Variants in MIPOL1 observed in about 807,000 individuals in gnomAD.
MIPOL1 encodes mirror-image polydactyly 1.
A neutral mutation model predicts 60.9 loss-of-function variants in MIPOL1; 57 were observed. That is an observed-to-expected ratio of 0.94 (90% CI 0.76 to 1.17). MIPOL1 has a LOEUF of 1.17. Among genes scored for constraint, MIPOL1 ranks in the 50% most tolerant of loss-of-function variants. MIPOL1 has a pLI of 0.00. For synonymous variants in MIPOL1, 179 were observed against 168.8 expected (o/e 1.06, Z -0.47); for missense variants, 551 against 511.6 (o/e 1.08, Z -0.74).
At chr14:37,303,768 T>C (rs896729217) in intron 7 of MIPOL1, among the ~76,000 whole-genome samples, 1 of 151,810 alleles carries the variant, frequency 6.6e-6, no homozygotes, top group Non-Finnish European at 1.5e-5. Context: ...GACACAGCAT[T>C]ATGGTCAAAT....
At chr14:37,504,811 C>G (rs1374186335) in intron 12 of MIPOL1, 2 of 152,088 alleles carry the variant, frequency 1.3e-5, no homozygotes, top group African/African-American at 2.4e-5. Flanking sequence ...ATCAATGAAT[C>G]CAGGAGCTGG....
At chr14:37,206,177 A>G (rs1966060673) in intron 1 of MIPOL1, among the ~76,000 whole-genome samples, 1 of 152,070 alleles carries the variant, frequency 6.6e-6, no homozygotes. Context: ...GCCTAGGAGG[A>G]AAAAATGGTT....
intron 1 of MIPOL1, among the ~76,000 whole-genome samples, chr14:37,225,760 A>C (rs1969611985): frequency 6.6e-6 from 1 of 152,088 alleles, no homozygotes; most frequent in South Asian, 2.1e-4. Flanking sequence ...GTCGGCTTGA[A>C]TTTCTCCTCA....
In MIPOL1 at chr14:37,344,869, A is replaced by G. The variant is rs192572506; in HGVS notation, c.829-24648A>G. Reference sequence around the variant, plus strand: ...AACATTACAAGTCCTCATCTCGACAAAATTTTTAAAAATACCCGGGCATGG... The same window carrying G: ...AACATTACAAGTCCTCATCTCGACAGAATTTTTAAAAATACCCGGGCATGG... On this transcript the variant is annotated intron_variant, in intron 9 of 12. Transcript: ENST00000684589. 3.3e-4 allele frequency among the ~76,000 whole-genome samples: 50 copies of G among 152,112 alleles called. No individual in the cohort carries two copies. In the East Asian group the frequency reaches 8.0e-3, roughly 24 times the overall value.
intron 11 of MIPOL1, among the ~76,000 whole-genome samples, chr14:37,438,068 A>G (rs1336870668): frequency 6.6e-6 from 1 of 152,130 alleles, no homozygotes; most frequent in Admixed American, 6.6e-5. Flanking sequence ...TTTTGTGAAA[A>G]TGGCATGCTT....
chr14:37,247,622 A>G (rs1279087934), intron 2 of MIPOL1, among the ~76,000 whole-genome samples: 1 of 152,158 alleles, frequency 6.6e-6, no homozygotes, highest in Non-Finnish European at 1.5e-5. Flanking sequence ...CCTGAACTGT[A>G]TATACTAAAA....
intron 9 of MIPOL1, among the ~76,000 whole-genome samples, chr14:37,315,587 A>G (rs1214611580): frequency 1.3e-5 from 2 of 152,228 alleles, no homozygotes; most frequent in African/African-American, 4.8e-5. Context: ...GGATTTGGAC[A>G]TAAAGGAGCA....
intron 10 of MIPOL1, among the ~76,000 whole-genome samples, chr14:37,411,196 C>T: frequency 6.6e-6 from 1 of 152,220 alleles, no homozygotes; most frequent in East Asian, 1.9e-4. Context: ...GCTATGAGGT[C>T]TTAACATTTT....
At chr14:37,261,064 T>A (rs973193417) in intron 3 of MIPOL1, among the ~76,000 whole-genome samples, 1 of 152,056 alleles carries the variant, frequency 6.6e-6, no homozygotes, top group East Asian at 1.9e-4. Flanking sequence ...TTGTATTATT[T>A]CTGTAATGTA....
chr14:37,409,536 C>T (rs2093647178), intron 10 of MIPOL1, among the ~76,000 whole-genome samples: 1 of 152,126 alleles, frequency 6.6e-6, no homozygotes, highest in Non-Finnish European at 1.5e-5. Context: ...ACCTGTAATC[C>T]CAGCACTTTG....
At chr14:37,373,650 T>A (rs1298932433) in intron 10 of MIPOL1, among the ~76,000 whole-genome samples, 1 of 152,116 alleles carries the variant, frequency 6.6e-6, no homozygotes, top group African/African-American at 2.4e-5. Context: ...GGTTTTCTGT[T>A]CCTGTGTTAG....
chr14:37,534,021 G>A (rs2095494183), intron 12 of MIPOL1, among the ~76,000 whole-genome samples: 1 of 148,888 alleles, frequency 6.7e-6, no homozygotes, highest in Admixed American at 6.7e-5. Flanking sequence ...CCAGGAGGTG[G>A]AGATTGCAGT....
chr14:37,531,315 CT>C (rs1248241794), intron 12 of MIPOL1, among the ~76,000 whole-genome samples: 1 of 152,060 alleles, frequency 6.6e-6, no homozygotes, highest in Non-Finnish European at 1.5e-5. Context: ...ACCCTCTTTT[CT>C]TTCCTCTTTG....
At chr14:37,392,999 G>T (rs368884372) in intron 10 of MIPOL1, among the ~76,000 whole-genome samples, 1 of 151,904 alleles carries the variant, frequency 6.6e-6, no homozygotes, top group Admixed American at 6.6e-5. Context: ...CTGGATTAGG[G>T]TACCACCTAA....
At chr14:37,515,934 G>T (rs2095365964) in intron 12 of MIPOL1, among the ~76,000 whole-genome samples, 1 of 152,200 alleles carries the variant, frequency 6.6e-6, no homozygotes, top group South Asian at 2.1e-4. Context: ...AGGAGAGCTG[G>T]TAAAGGAAAC....
At position 37,290,249 on chromosome 14, in the gene MIPOL1, A is replaced by G. The variant is rs566236979; in HGVS notation, c.623+4802A>G. On this transcript the variant is annotated intron_variant, in intron 7 of 12. Coordinates refer to ENST00000684589, the MANE Select transcript of MIPOL1 (RefSeq NM_001388067.1). ...TGTTTGTTTGTTTGTTTTTTGAGAC[A>G]GAGTCTGGCTCTGTCGCCCAAGCTG... Among the ~76,000 whole-genome samples the G allele has an allele frequency of 1.3e-4, 20 of 152,254 alleles. No individual in the cohort carries two copies. In the South Asian group the frequency reaches 4.1e-3, roughly 32 times the overall value.
intron 10 of MIPOL1, among the ~76,000 whole-genome samples, chr14:37,404,279 A>AAATTGCTTCTAC (rs1302724439): frequency 6.6e-6 from 1 of 152,108 alleles, no homozygotes; most frequent in Non-Finnish European, 1.5e-5. Context: ...GGGTTTAGTA[A>AAATTGCTTCTAC]AATTGCTTCT....
rs1182325769 is a variant in MIPOL1 at position 37,240,299 on chromosome 14, A to G, written c.-198-6804A>G. 2.6e-5 allele frequency: 4 copies of G among 152,328 alleles called. No individual in the cohort carries two copies. The East Asian group carries it at 7.7e-4, about 29-fold the overall frequency. 9.4% of individuals were successfully genotyped at this position (152,328 alleles called of 1,614,324 possible). A position where few individuals can be genotyped will look rare whatever the true frequency, so the allele number is the denominator to read the frequency against. On this transcript the variant is annotated intron_variant, in intron 1 of 12. Coordinates refer to ENST00000684589, the MANE Select transcript of MIPOL1 (RefSeq NM_001388067.1). ...AAGCATTATAATATATGATGAATTA[A>G]AGACCTAAATGATTATTTTTAACTT...
chr14:37,481,701 T>C (rs895421338), intron 11 of MIPOL1, among the ~76,000 whole-genome samples: 5 of 151,718 alleles, frequency 3.3e-5, no homozygotes, highest in African/African-American at 1.2e-4. Context: ...AACAGAGCTG[T>C]AGCAATTAAA....
Sources: gnomAD v4.1 joint callset for allele counts (sites outside exome capture counted in the v4.1 genomes callset) on GRCh38, gnomAD v4.1.1 for gene constraint, MANE v1.5 for transcripts, NCBI Gene and HGNC (gene_info 2026-07-23, HGNC 2026-07-21) for gene names.